The following STPG2 variants were observed in gnomAD, a reference collection of about 807,000 sequenced individuals.
STPG2 encodes sperm tail PG-rich repeat containing 2.
STPG2 carries 56 observed loss-of-function variants against 54.2 expected under a neutral mutation model. The observed-to-expected ratio is 1.03, with a 90% CI of 0.83 to 1.29. The LOEUF (loss-of-function observed/expected upper bound fraction) is 1.29, where lower values mean the gene tolerates loss of function less well. Among genes scored for constraint, STPG2 ranks in the 50% most tolerant of loss-of-function variants. The probability of loss-of-function intolerance (pLI) is 0.00; values close to 1 mark genes in which losing one functional copy is unlikely to be tolerated. For synonymous variants in STPG2, 200 were observed against 181.8 expected (o/e 1.10, Z -0.81); for missense variants, 596 against 544.9 (o/e 1.09, Z -0.93).
At chr4:97,714,595 T>C (rs907844855) in intron 9 of STPG2, among the ~76,000 whole-genome samples, 11 of 152,112 alleles carry the variant, frequency 7.2e-5, no homozygotes, top group African/African-American at 2.2e-4. Flanking sequence ...TATAAAACAA[T>C]AGCATGCACA....
intron 8 of STPG2, among the ~76,000 whole-genome samples, chr4:97,932,544 G>T (rs1732590722): frequency 6.6e-6 from 1 of 152,042 alleles, no homozygotes; most frequent in Non-Finnish European, 1.5e-5. Flanking sequence ...AGGCCCCAGT[G>T]TGTGTTGTTC....
At chr4:98,126,557 C>T (rs1355762379) in intron 3 of STPG2, among the ~76,000 whole-genome samples, 2 of 152,220 alleles carry the variant, frequency 1.3e-5, no homozygotes, top group Non-Finnish European at 2.9e-5. Flanking sequence ...TGCTTTTCCT[C>T]ACTCTCTGTG....
At chr4:97,967,925 C>A (rs1393852214) in intron 7 of STPG2, among the ~76,000 whole-genome samples, 1 of 152,090 alleles carries the variant, frequency 6.6e-6, no homozygotes, top group Non-Finnish European at 1.5e-5. Flanking sequence ...CTAAAATCAA[C>A]ACCCTAACAT....
chr4:97,817,401 A>G (rs1305847130), intron 9 of STPG2, among the ~76,000 whole-genome samples: 1 of 152,150 alleles, frequency 6.6e-6, no homozygotes, highest in East Asian at 1.9e-4. Context: ...ATTATTTTAA[A>G]TGTCACGATA....
chr4:97,887,735 G>C (rs1730630924), intron 8 of STPG2, among the ~76,000 whole-genome samples: 1 of 152,178 alleles, frequency 6.6e-6, no homozygotes. Flanking sequence ...AACCGAAAAG[G>C]ATCCAAGTAC....
chr4:97,729,380 A>C (rs1408551056), intron 9 of STPG2, among the ~76,000 whole-genome samples: 3 of 152,152 alleles, frequency 2.0e-5, no homozygotes, highest in African/African-American at 4.8e-5. Context: ...AAAAACCACA[A>C]TTACTTTTGC....
intron 9 of STPG2, among the ~76,000 whole-genome samples, chr4:97,738,606 A>G (rs1725108343): frequency 6.6e-6 from 1 of 152,228 alleles, no homozygotes; most frequent in African/African-American, 2.4e-5. Context: ...AGATCAAAAG[A>G]GACAAACAAG....
chr4:97,930,734 T>C (rs1307100449), intron 8 of STPG2, among the ~76,000 whole-genome samples: 3 of 152,102 alleles, frequency 2.0e-5, no homozygotes, highest in Non-Finnish European at 4.4e-5. Flanking sequence ...GGTAGTTTCA[T>C]AGAAATAGCA....
At chr4:97,585,101 C>CAAAAAAAAAAAAAAAAAAAAAAAAAA (rs60854805) in intron 10 of STPG2, among the ~76,000 whole-genome samples, 1 of 46,252 alleles carries the variant, frequency 2.2e-5, no homozygotes, top group Non-Finnish European at 3.4e-5. Context: ...AAAATATTCT[C>CAAAAAAAAAAAAAAAAAAAAAAAAAA]AAAAAAAAAA....
At chr4:97,844,402 CAT>C (rs1728887187) in intron 8 of STPG2, among the ~76,000 whole-genome samples, 1 of 151,988 alleles carries the variant, frequency 6.6e-6, no homozygotes, top group Non-Finnish European at 1.5e-5. Flanking sequence ...AAGATCCAGA[CAT>C]ATTTTTATTT....
chr4:97,856,911 G>C (rs1729356598), intron 8 of STPG2, among the ~76,000 whole-genome samples: 1 of 152,142 alleles, frequency 6.6e-6, no homozygotes. Context: ...CATCTATTAA[G>C]ATAATCATGT....
intron 10 of STPG2, among the ~76,000 whole-genome samples, chr4:97,585,101 C>CAAAAAAAAAAAAAAAAAAAAA (rs60854805): frequency 2.2e-5 from 1 of 46,254 alleles, no homozygotes; most frequent in Non-Finnish European, 3.4e-5. Flanking sequence ...AAAATATTCT[C>CAAAAAAAAAAAAAAAAAAAAA]AAAAAAAAAA....
intron 9 of STPG2, among the ~76,000 whole-genome samples, chr4:97,786,164 C>T (rs1726816777): frequency 6.6e-6 from 1 of 151,030 alleles, no homozygotes; most frequent in African/African-American, 2.4e-5. Context: ...TAGCCAATCA[C>T]CCTTTCCCTG....
intron 8 of STPG2, among the ~76,000 whole-genome samples, chr4:97,930,285 G>A (rs1475510997): frequency 6.6e-6 from 1 of 152,130 alleles, no homozygotes; most frequent in African/African-American, 2.4e-5. Context: ...TGGCTAGGTT[G>A]TTCTCAAGCG....
At chr4:97,767,939 G>A (rs781486158) in intron 9 of STPG2, among the ~76,000 whole-genome samples, 2 of 152,094 alleles carry the variant, frequency 1.3e-5, no homozygotes, top group African/African-American at 4.8e-5. Flanking sequence ...AGGCCAAGGC[G>A]GGCAGATCAC....
In STPG2 at chr4:97,969,638, A is replaced by G. The variant is rs576054632; in HGVS notation, c.933+2642T>C. 7.2e-5 allele frequency among the ~76,000 whole-genome samples: 11 copies of G among 152,242 alleles called. No homozygotes were observed. In the East Asian group the frequency reaches 2.1e-3, roughly 29 times the overall value. On this transcript the variant is annotated intron_variant, in intron 7 of 10. Transcript: ENST00000295268. ...TATTCATGTTAAAAACTCTCAATAAACTAGGTATTGATGGCACGTATCTCA... is the reference window on the plus strand; with the variant it reads ...TATTCATGTTAAAAACTCTCAATAAGCTAGGTATTGATGGCACGTATCTCA...
At chr4:98,077,252 G>A (rs1454063674) in intron 5 of STPG2, among the ~76,000 whole-genome samples, 1 of 151,590 alleles carries the variant, frequency 6.6e-6, no homozygotes, top group African/African-American at 2.4e-5. Context: ...TGTTGTTGTT[G>A]TTGTTGTTGG....
At chr4:98,062,409 C>T (rs556511559) in intron 5 of STPG2, among the ~76,000 whole-genome samples, 2 of 151,868 alleles carry the variant, frequency 1.3e-5, no homozygotes, top group South Asian at 2.1e-4. Context: ...ACATGTTTAC[C>T]GATGTAACAA....
At chr4:98,040,461 T>G (rs1359676472) in intron 5 of STPG2, among the ~76,000 whole-genome samples, 1 of 151,996 alleles carries the variant, frequency 6.6e-6, no homozygotes, top group African/African-American at 2.4e-5. Flanking sequence ...GGTCTTACAT[T>G]TAAGTCTTGA....
Sources: allele counts gnomAD v4.1 joint callset (sites outside exome capture counted in the v4.1 genomes callset), GRCh38; gene constraint gnomAD v4.1.1; transcripts MANE v1.5; gene names NCBI Gene and HGNC (gene_info 2026-07-23, HGNC 2026-07-21).